Variants in BCORL1 observed in about 807,000 individuals in gnomAD.
BCORL1 encodes BCL6 corepressor like 1, also known as BCL-6 corepressor-like protein 1.
BCORL1 carries 7 observed loss-of-function variants against 87.6 expected under a neutral mutation model. That is an observed-to-expected ratio of 0.08 (90% CI 0.05 to 0.15). BCORL1 has a LOEUF of 0.15. Among genes scored for constraint, BCORL1 ranks in the 10% least tolerant of loss-of-function variants. The probability of loss-of-function intolerance (pLI) is 1.00; values close to 1 mark genes in which losing one functional copy is unlikely to be tolerated. For synonymous variants in BCORL1, 591 were observed against 634.4 expected, an observed-to-expected ratio of 0.93 and a Z score of 1.03; for missense variants, 1,215 against 1,499.7, an observed-to-expected ratio of 0.81 and a Z score of 3.13.
chrX:130,040,224 G>A (rs927722727), intron 11 of BCORL1, among the ~76,000 whole-genome samples: 2 of 112,194 alleles, frequency 1.8e-5, no homozygotes, highest in Non-Finnish European at 3.8e-5. Flanking sequence ...GCCCAAAGCT[G>A]CTCCCTCTTC....
At chrX:130,021,276 A>G (rs1296662585) in intron 5 of BCORL1, 126 bp downstream of exon 5, 1 of 1,072,047 alleles carries the variant, frequency 9.3e-7, no homozygotes. Context: ...TTCACTGTGG[A>G]AAGAAGATAT....
chrX:130,026,101 A>G (rs150605278), intron 7 of BCORL1, among the ~76,000 whole-genome samples: 1 of 111,802 alleles, frequency 8.9e-6, no homozygotes, highest in African/African-American at 3.2e-5. Context: ...GTTCAGGCCC[A>G]TTCCTATAGT....
In BCORL1 at chrX:129,985,232, G is replaced by C. The variant is rs1603053610; in HGVS notation, c.-45+2470G>C. On this transcript the variant is annotated intron_variant, in intron 1 of 13. Transcript: ENST00000540052. ...TGGATTGCATTTGGGGTTGGGAGTG[G>C]ATTAGGTTGATTATAAAATTTCAAG... 2.7e-5 allele frequency among the ~76,000 whole-genome samples: 3 copies of C among 112,003 alleles called. No homozygotes were observed. The South Asian group carries it at 1.1e-3, about 41-fold the overall frequency.
chrX:130,014,032 G>A lies in BCORL1; in HGVS notation c.1260G>A (p.Val420=), dbSNP rs896266384. Residue 420 remains valine (V), a synonymous_variant, in exon 4 of 14, where the codon GTG becomes GTA. Coordinates refer to ENST00000540052, the MANE Select transcript of BCORL1 (RefSeq NM_001379451.1). ...CGGCCTCCTTCAGTTTGAGTAGAGT[G>A]TGCTTTCCTGCAGCTCAGGCACCAG... ...PIPASFSLSR[V]CFPAAQAPAM... 9.9e-6 allele frequency: 12 copies of A among 1,207,675 alleles called. No homozygotes were observed. The African/African-American group carries it at 1.1e-4, about 11-fold the overall frequency.
chrX:130,037,832 A>C (rs1446268730), intron 10 of BCORL1, among the ~76,000 whole-genome samples: 1 of 111,852 alleles, frequency 8.9e-6, no homozygotes, highest in Non-Finnish European at 1.9e-5. Flanking sequence ...TGGAGGTTGC[A>C]GTGAGCCGCG....
intron 9 of BCORL1, among the ~76,000 whole-genome samples, 173 bp from the exon 10 acceptor site, chrX:130,037,194 T>C (rs774431971): frequency 9.0e-6 from 1 of 111,253 alleles, no homozygotes; most frequent in South Asian, 3.8e-4. Flanking sequence ...GCTGGGGTCC[T>C]GGCAATTGTG....
intron 2 of BCORL1, among the ~76,000 whole-genome samples, chrX:130,009,801 G>C (rs940288290): frequency 1.4e-4 from 15 of 110,835 alleles, no homozygotes; most frequent in Non-Finnish European, 2.3e-4. Context: ...TTTCAGTCCT[G>C]ACTGAAGCCT....
At chrX:130,003,374 C>CTTTT (rs59574323) in intron 1 of BCORL1, among the ~76,000 whole-genome samples, 1 of 91,514 alleles carries the variant, frequency 1.1e-5, no homozygotes, top group African/African-American at 4.3e-5. Context: ...TCTTCTTCTT[C>CTTTT]TTTTTTTTTT....
At chrX:130,005,894 G>C (rs759751431) in intron 2 of BCORL1, among the ~76,000 whole-genome samples, 7 of 110,738 alleles carry the variant, frequency 6.3e-5, no homozygotes, top group African/African-American at 2.3e-4. Flanking sequence ...CCCAAATGCT[G>C]GGATTACAGG....
At chrX:130,004,240 G>GTT (rs1569361713) in intron 1 of BCORL1, among the ~76,000 whole-genome samples, 2 of 98,524 alleles carry the variant, frequency 2.0e-5, no homozygotes, top group African/African-American at 8.5e-5. Flanking sequence ...AGAAATGTGT[G>GTT]GTTTTTTTTT....
At chrX:130,045,802 G>A (rs1931708804) in intron 11 of BCORL1, among the ~76,000 whole-genome samples, 1 of 109,487 alleles carries the variant, frequency 9.1e-6, no homozygotes, top group African/African-American at 3.3e-5. Context: ...ATTTTTTGTA[G>A]AGACTGGGTT....
rs1432926605 is a variant in BCORL1 at position 130,021,017 on chromosome X, C to T, written c.3474C>T (p.Ser1158=). ...AGCTGCCCAGTGACCCCCAGGAATC[C>T]ACCAAGAAAAGCCCCAGGGGGGCTT... ...CRKLPSDPQE[S]TKKSPRGASD... is the part of the protein sequence containing the mutation. Residue 1158 remains serine (S), a synonymous_variant, in exon 5 of 14, where the codon TCC becomes TCT. Coordinates refer to ENST00000540052, the MANE Select transcript of BCORL1 (RefSeq NM_001379451.1). 3.4e-6 allele frequency: 4 copies of T among 1,176,158 alleles called. No homozygotes were observed. Among genetic ancestry groups the T allele is most frequent in the Admixed American group, 5.4e-5 (2 of 36,808 alleles).
chrX:130,024,067 C>T (rs1289098480), intron 6 of BCORL1, among the ~76,000 whole-genome samples: 5 of 112,222 alleles, frequency 4.5e-5, no homozygotes, highest in Non-Finnish European at 7.5e-5. Context: ...CAGCTGCTTC[C>T]GAGGAGGAAG....
chrX:130,015,727 A>C lies in BCORL1; in HGVS notation c.2955A>C (p.Gln985His). The change falls in exon 4 of 14, where the codon CAA becomes CAC. Residue 985 changes from glutamine (Q) to histidine (H), a missense_variant. Gln to His is a conservative substitution (Grantham distance 24). Around this residue, in one of 5 missense-constraint regions of BCORL1, gnomAD observed 861 missense variants for 1,010.0 expected, o/e 0.85. Transcript: ENST00000540052. ...KLAGDTKPKNQVLATYMSHEL... is the reference protein window; with the variant it reads ...KLAGDTKPKNHVLATYMSHEL... ...CAGGAGACACGAAGCCTAAGAACCA[A>C]GTGCTGGCCACCTACATGTCCCATG... The C allele has an allele frequency of 8.3e-7, 1 of 1,211,996 alleles. No homozygotes were observed. The highest frequency in any genetic ancestry group is 1.1e-6 in the Non-Finnish European group (1 of 895,572).
At position 130,014,023 on chromosome X, in the gene BCORL1, G is replaced by C; in HGVS notation, c.1251G>C (p.Leu417Phe). Reference sequence around the variant, plus strand: ...CACCCATCCCGGCCTCCTTCAGTTTGAGTAGAGTGTGCTTTCCTGCAGCTC... The same window carrying C: ...CACCCATCCCGGCCTCCTTCAGTTTCAGTAGAGTGTGCTTTCCTGCAGCTC... ...TSAPIPASFS[L>F]SRVCFPAAQA... Residue 417 changes from leucine to phenylalanine, a missense_variant, in exon 4 of 14, where the codon TTG becomes TTC. Around this residue, in one of 5 missense-constraint regions of BCORL1, gnomAD observed 861 missense variants for 1,010.0 expected, o/e 0.85. Coordinates refer to ENST00000540052, the MANE Select transcript of BCORL1 (RefSeq NM_001379451.1). 1.7e-6 allele frequency: 2 copies of C among 1,210,241 alleles called. No homozygotes were observed. The highest frequency in any genetic ancestry group is 1.7e-5 in the African/African-American group (1 of 57,509).
chrX:130,051,810 G>A (rs751209752), intron 12 of BCORL1, 50 bp from the exon 13 acceptor site: 9 of 1,078,465 alleles, frequency 8.3e-6, no homozygotes, highest in African/African-American at 5.6e-5. Flanking sequence ...TCTTTTCTTC[G>A]GTTTTGTACA....
intron 1 of BCORL1, among the ~76,000 whole-genome samples, chrX:129,995,926 T>G (rs1051697436): frequency 8.9e-6 from 1 of 111,738 alleles, no homozygotes; most frequent in Non-Finnish European, 1.9e-5. Flanking sequence ...AAGTTGTCCT[T>G]GCTGGGTGTG....
chrX:130,015,436 A>C lies in BCORL1; in HGVS notation c.2664A>C (p.Gln888His). 2.5e-6 allele frequency: 3 copies of C among 1,212,300 alleles called. No homozygotes were observed. The highest frequency in any genetic ancestry group is 3.3e-6 in the Non-Finnish European group (3 of 895,623). ...CCGTGCACGGACTTCCTGAGGGGCAACCACGGCCTGGGGGCTCCTTCGTTC... is the reference window on the plus strand; with the variant it reads ...CCGTGCACGGACTTCCTGAGGGGCACCCACGGCCTGGGGGCTCCTTCGTTC... ...SEAVHGLPEG[Q>H]PRPGGSFVPE... is the part of the protein sequence containing the mutation. The change falls in exon 4 of 14, where the codon CAA becomes CAC. Residue 888 changes from glutamine to histidine, a missense_variant. Physicochemically the swap from Gln to His is conservative, Grantham distance 24 (BLOSUM62 0). This residue lies in a region of BCORL1 where 861 missense variants were observed against 1,010.0 expected (regional missense o/e 0.85). Coordinates refer to ENST00000540052, the MANE Select transcript of BCORL1 (RefSeq NM_001379451.1).
Position 130,014,448 on chromosome X carries a change from A to G in BCORL1, c.1676A>G (p.Lys559Arg). The G allele has an allele frequency of 8.3e-7, 1 of 1,211,255 alleles. No homozygotes were observed. Among genetic ancestry groups the G allele is most frequent in the Non-Finnish European group, 1.1e-6 (1 of 895,343 alleles). ...ADTSLVTASA[K>R]VLPTPQPLLP... ...ACCTCCCTTGTTACTGCTTCTGCCA[A>G]GGTGCTTCCAACTCCACAGCCTCTG... The change falls in exon 4 of 14, where the codon AAG becomes AGG. Residue 559 changes from lysine (K) to arginine (R), a missense_variant. By Grantham distance (26) the Lys-to-Arg change is conservative (BLOSUM62 2). Coordinates refer to ENST00000540052, the MANE Select transcript of BCORL1 (RefSeq NM_001379451.1).
Sources: gnomAD v4.1 joint callset for allele counts (sites outside exome capture counted in the v4.1 genomes callset) on GRCh38, gnomAD v4.1.1 for gene constraint, gnomAD v4.1.1 regional missense constraint, MANE v1.5 for transcripts, NCBI Gene and HGNC (gene_info 2026-07-23, HGNC 2026-07-21) for gene names.